The following MAP2 variants were observed in gnomAD, a reference collection of about 807,000 sequenced individuals.
MAP2 encodes the protein microtubule associated protein 2, also known as microtubule-associated protein 2.
MAP2 carries 14 observed loss-of-function variants against 137.6 expected under a neutral mutation model. That is an observed-to-expected ratio of 0.10 (90% CI 0.07 to 0.16). The LOEUF (loss-of-function observed/expected upper bound fraction) is 0.16. MAP2 is among the 10% of genes least tolerant of loss of function. MAP2 has a pLI of 1.00. For synonymous variants in MAP2, 786 were observed against 782.3 expected (o/e 1.00, Z -0.08); for missense variants, 2,088 against 2,191.5 (o/e 0.95, Z 0.94).
At chr2:209,563,542 C>G (rs1050102717) in intron 2 of MAP2, among the ~76,000 whole-genome samples, 4 of 151,940 alleles carry the variant, frequency 2.6e-5, no homozygotes, top group African/African-American at 7.3e-5. Context: ...TCGCCACCAG[C>G]TTCCCAACCC....
At chr2:209,466,532 A>G (rs553281309) in intron 1 of MAP2, among the ~76,000 whole-genome samples, 1 of 152,326 alleles carries the variant, frequency 6.6e-6, no homozygotes, top group South Asian at 2.1e-4. Context: ...TCAAGGACCT[A>G]CTAGGTATCA....
intron 14 of MAP2, among the ~76,000 whole-genome samples, chr2:209,728,345 C>T (rs184518645): frequency 1.8e-3 from 274 of 152,222 alleles, no homozygotes; most frequent in African/African-American, 6.3e-3. Context: ...ATGTTCATCT[C>T]ATCACAATCA....
At chr2:209,513,802 A>G (rs2062067354) in intron 2 of MAP2, among the ~76,000 whole-genome samples, 1 of 152,090 alleles carries the variant, frequency 6.6e-6, no homozygotes, top group Admixed American at 6.6e-5. Flanking sequence ...ATTCTTCATT[A>G]GGTCATGTGA....
At chr2:209,455,780 T>A (rs573876844) in intron 1 of MAP2, among the ~76,000 whole-genome samples, 32 of 152,212 alleles carry the variant, frequency 2.1e-4, no homozygotes, top group Non-Finnish European at 4.4e-4. Context: ...TGATTTAGAA[T>A]AACTGGATTC....
At chr2:209,683,786 T>C (rs532973349) in intron 7 of MAP2, among the ~76,000 whole-genome samples, 83 of 152,320 alleles carry the variant, frequency 5.4e-4, no homozygotes, top group Admixed American at 2.2e-3. Context: ...TGCTGCAGTC[T>C]GATCCTTTTA....
At chr2:209,601,495 G>A (rs2082990963) in intron 3 of MAP2, among the ~76,000 whole-genome samples, 1 of 152,040 alleles carries the variant, frequency 6.6e-6, no homozygotes, top group South Asian at 2.1e-4. Flanking sequence ...GGAAAACATA[G>A]CTTTAATGGT....
At chr2:209,537,030 T>A (rs546418499) in intron 2 of MAP2, among the ~76,000 whole-genome samples, 60 of 152,284 alleles carry the variant, frequency 3.9e-4, no homozygotes, top group African/African-American at 1.3e-3. Context: ...CATACCTAAT[T>A]TTGTTGTGCT....
chr2:209,505,855 C>A (rs1467531723), intron 1 of MAP2, among the ~76,000 whole-genome samples: 1 of 151,870 alleles, frequency 6.6e-6, no homozygotes, highest in African/African-American at 2.4e-5. Context: ...GCTTGTAGTT[C>A]CAGCTACTAC....
At chr2:209,504,834 A>T (rs1436534027) in intron 1 of MAP2, among the ~76,000 whole-genome samples, 1 of 152,068 alleles carries the variant, frequency 6.6e-6, no homozygotes, top group East Asian at 1.9e-4. Context: ...ATGATTGATA[A>T]TATGATTAAA....
At chr2:209,546,478 T>C (rs2068096225) in intron 2 of MAP2, among the ~76,000 whole-genome samples, 1 of 152,238 alleles carries the variant, frequency 6.6e-6, no homozygotes, top group East Asian at 1.9e-4. Context: ...CTGGACAGTG[T>C]CTGTGGAGTC....
At chr2:209,665,228 T>A (rs1443801340) in intron 5 of MAP2, among the ~76,000 whole-genome samples, 1 of 152,092 alleles carries the variant, frequency 6.6e-6, no homozygotes, top group Non-Finnish European at 1.5e-5. Context: ...GATATCAAAT[T>A]GGAGATATTT....
At chr2:209,599,266 A>G (rs11900281) in intron 3 of MAP2, among the ~76,000 whole-genome samples, 5 of 151,864 alleles carry the variant, frequency 3.3e-5, no homozygotes, top group African/African-American at 1.2e-4. Context: ...GTGTCTGTTC[A>G]TGTCCTTCGC....
chr2:209,640,134 C>T (rs1476449094), intron 4 of MAP2, among the ~76,000 whole-genome samples: 1 of 152,094 alleles, frequency 6.6e-6, no homozygotes, highest in Non-Finnish European at 1.5e-5. Flanking sequence ...AAACCCTCTT[C>T]CAGGCAGTGT....
chr2:209,664,736 CA>C (rs1433041453), intron 5 of MAP2, among the ~76,000 whole-genome samples: 1 of 151,818 alleles, frequency 6.6e-6, no homozygotes, highest in Non-Finnish European at 1.5e-5. Context: ...GGCAGGCAGG[CA>C]GATCACGAGG....
At chr2:209,557,711 A>G (rs1403376977) in intron 2 of MAP2, among the ~76,000 whole-genome samples, 1 of 152,200 alleles carries the variant, frequency 6.6e-6, no homozygotes, top group Non-Finnish European at 1.5e-5. Context: ...CTGTTTTACT[A>G]GGCAGCTAAA....
At chr2:209,604,608 A>C (rs2084041303) in intron 3 of MAP2, among the ~76,000 whole-genome samples, 1 of 152,160 alleles carries the variant, frequency 6.6e-6, no homozygotes, top group African/African-American at 2.4e-5. Context: ...TTGGTATTTT[A>C]ACCGAGTAAC....
At chr2:209,486,540 A>G (rs946902470) in intron 1 of MAP2, among the ~76,000 whole-genome samples, 1 of 152,154 alleles carries the variant, frequency 6.6e-6, no homozygotes, top group African/African-American at 2.4e-5. Context: ...ACTTTCTTAC[A>G]GTAGAATAAA....
At chr2:209,678,518 T>G (rs766478255) in intron 5 of MAP2, 54 bp from the exon 6 acceptor site, 15 of 910,768 alleles carry the variant, frequency 1.6e-5, no homozygotes, top group Non-Finnish European at 2.3e-5. Context: ...CTTTTCCTCT[T>G]TGCTTTCTCA....
At chr2:209,671,188 C>A (rs2048704788) in intron 5 of MAP2, among the ~76,000 whole-genome samples, 1 of 151,842 alleles carries the variant, frequency 6.6e-6, no homozygotes, top group African/African-American at 2.4e-5. Flanking sequence ...GCCAGTGTGA[C>A]CCCTGAGATT....
Sources: allele counts gnomAD v4.1 joint callset (sites outside exome capture counted in the v4.1 genomes callset), GRCh38; gene constraint gnomAD v4.1.1; transcripts MANE v1.5; gene names NCBI Gene and HGNC (gene_info 2026-07-23, HGNC 2026-07-21).